PAIP2B: variants seen among roughly 807,000 people sequenced by gnomAD.
The protein encoded by PAIP2B is poly(A) binding protein interacting protein 2B.
A neutral mutation model predicts 17.0 loss-of-function variants in PAIP2B; 13 were observed. The ratio of observed to expected loss-of-function variants is 0.76; its 90% confidence interval spans 0.50 to 1.22. PAIP2B has a LOEUF of 1.22. Among genes scored for constraint, PAIP2B ranks in the 50% most tolerant of loss-of-function variants. The pLI, the probability that PAIP2B is intolerant of heterozygous loss-of-function variation, is 0.00. For synonymous variants in PAIP2B, 43 were observed against 48.7 expected (o/e 0.88, Z 0.48); for missense variants, 117 against 144.5 (o/e 0.81, Z 0.98).
intron 2 of PAIP2B, among the ~76,000 whole-genome samples, chr2:71,192,769 CATT>C (rs1674720205): frequency 6.6e-6 from 1 of 152,214 alleles, no homozygotes; most frequent in Non-Finnish European, 1.5e-5. Context: ...GACATAATCT[CATT>C]ATTTTTTATG....
chr2:71,199,037 A>T (rs1217232788), intron 2 of PAIP2B, among the ~76,000 whole-genome samples: 1 of 151,852 alleles, frequency 6.6e-6, no homozygotes, highest in Admixed American at 6.6e-5. Context: ...TTGATAAAGC[A>T]GTAGCAGGGT....
chr2:71,188,377 T>C lies in PAIP2B; in HGVS notation c.*102A>G, dbSNP rs1228081015. 1.1e-6 allele frequency: 1 copy of C among 910,516 alleles called. No individual in the cohort carries two copies. The highest frequency in any genetic ancestry group is 1.7e-6 in the Non-Finnish European group (1 of 574,298). 56.4% of individuals were successfully genotyped at this position (910,516 alleles called of 1,614,324 possible). Reference sequence around the variant, plus strand: ...GAGACCACCACTCCCCTTCCCGCTGTGCACCCCTCGCCCGCCCCATCCCCC... The same window carrying C: ...GAGACCACCACTCCCCTTCCCGCTGCGCACCCCTCGCCCGCCCCATCCCCC... On this transcript the variant is annotated 3_prime_UTR_variant, in exon 4 of 4. Transcript: ENST00000244221.
At chr2:71,192,788 G>T (rs539247828) in intron 2 of PAIP2B, among the ~76,000 whole-genome samples, 1 of 152,118 alleles carries the variant, frequency 6.6e-6, no homozygotes, top group Admixed American at 6.6e-5. Context: ...TTATGGCTGC[G>T]TAATATTCCA....
chr2:71,203,916 T>C (rs1343928574), intron 1 of PAIP2B, among the ~76,000 whole-genome samples: 1 of 152,146 alleles, frequency 6.6e-6, no homozygotes, highest in Non-Finnish European at 1.5e-5. Flanking sequence ...CATTTTGATG[T>C]TTTTTGCTAT....
chr2:71,218,914 T>C (rs1219412589), intron 1 of PAIP2B, among the ~76,000 whole-genome samples: 4 of 151,190 alleles, frequency 2.6e-5, no homozygotes, highest in Admixed American at 6.6e-5. Context: ...TTTTTCTTTT[T>C]TTTTCTTTTT....
At chr2:71,213,208 A>T (rs1675344699) in intron 1 of PAIP2B, among the ~76,000 whole-genome samples, 1 of 152,214 alleles carries the variant, frequency 6.6e-6, no homozygotes, top group Admixed American at 6.5e-5. Flanking sequence ...ACTAGAAGAA[A>T]TTCATACAGT....
At chr2:71,221,733 T>C (rs1433203301) in intron 1 of PAIP2B, among the ~76,000 whole-genome samples, 1 of 152,214 alleles carries the variant, frequency 6.6e-6, no homozygotes, top group Non-Finnish European at 1.5e-5. Context: ...AGGGTTCTTT[T>C]AAAATATGCT....
chr2:71,197,012 C>T (rs1030491913), intron 2 of PAIP2B, among the ~76,000 whole-genome samples: 1 of 152,164 alleles, frequency 6.6e-6, no homozygotes, highest in African/African-American at 2.4e-5. Flanking sequence ...AGCTCATTTA[C>T]ATTCAATGTT....
intron 1 of PAIP2B, among the ~76,000 whole-genome samples, chr2:71,222,429 T>C (rs1675609839): frequency 6.6e-6 from 1 of 152,228 alleles, no homozygotes; most frequent in Middle Eastern, 3.2e-3. Flanking sequence ...CTTCTGTTTT[T>C]AGAAGGTGAC....
intron 3 of PAIP2B, 34 bp downstream of exon 3, chr2:71,189,811 C>T (rs1674636250): frequency 6.6e-7 from 1 of 1,515,748 alleles, no homozygotes; most frequent in South Asian, 1.3e-5. Context: ...ATTCTTTTCA[C>T]TACATAACCT....
intron 1 of PAIP2B, among the ~76,000 whole-genome samples, chr2:71,207,190 C>T (rs1675152671): frequency 6.6e-6 from 1 of 151,934 alleles, no homozygotes; most frequent in Non-Finnish European, 1.5e-5. Flanking sequence ...AACAGGGGGC[C>T]CAATCTAGTC....
At chr2:71,201,004 TGTGG>T (rs748537000) in intron 2 of PAIP2B, among the ~76,000 whole-genome samples, 8,953 of 40,980 alleles carry the variant, frequency 0.22, 248 homozygotes, top group South Asian at 0.38. Context: ...TCTTTGTGTG[TGTGG>T]GTGTGTGTGT....
chr2:71,201,386 CTTT>C (rs375101568), intron 2 of PAIP2B, among the ~76,000 whole-genome samples: 2 of 144,000 alleles, frequency 1.4e-5, no homozygotes, highest in African/African-American at 2.5e-5. Flanking sequence ...AGTTCTTAAT[CTTT>C]TTTTTTTTTT....
intron 1 of PAIP2B, among the ~76,000 whole-genome samples, chr2:71,204,246 C>T (rs1675065772): frequency 6.6e-6 from 1 of 152,132 alleles, no homozygotes; most frequent in African/African-American, 2.4e-5. Flanking sequence ...AACCTTGACT[C>T]CATCTCTACC....
intron 1 of PAIP2B, among the ~76,000 whole-genome samples, chr2:71,220,678 T>C (rs563044823): frequency 6.6e-6 from 1 of 152,242 alleles, no homozygotes. Flanking sequence ...TTTTCAAATA[T>C]AGAGACAGGG....
At chr2:71,208,425 C>T (rs1187325963) in intron 1 of PAIP2B, among the ~76,000 whole-genome samples, 1 of 150,794 alleles carries the variant, frequency 6.6e-6, no homozygotes, top group Admixed American at 6.6e-5. Flanking sequence ...TCCATTTCAC[C>T]CCCCCAAAAA....
At chr2:71,219,082 ATT>A (rs568552077) in intron 1 of PAIP2B, among the ~76,000 whole-genome samples, 1,667 of 113,934 alleles carry the variant, frequency 0.015, 28 homozygotes, top group African/African-American at 0.056. Flanking sequence ...CGCCTAGCTA[ATT>A]TTTTTTTTTT....
intron 1 of PAIP2B, among the ~76,000 whole-genome samples, chr2:71,209,927 C>T (rs529931103): frequency 3.3e-5 from 5 of 152,008 alleles, no homozygotes; most frequent in South Asian, 4.2e-4. Context: ...TGGGTTCAAG[C>T]GATTCTCCTG....
chr2:71,191,426 C>T (rs1674684997), intron 2 of PAIP2B, among the ~76,000 whole-genome samples: 1 of 152,204 alleles, frequency 6.6e-6, no homozygotes, highest in African/African-American at 2.4e-5. Context: ...AAATTTACCC[C>T]TGTTCACTGG....
Sources: gnomAD v4.1 joint callset for allele counts (sites outside exome capture counted in the v4.1 genomes callset) on GRCh38, gnomAD v4.1.1 for gene constraint, MANE v1.5 for transcripts, NCBI Gene and HGNC (gene_info 2026-07-23, HGNC 2026-07-21) for gene names.